The following ALDH3B2 variants were observed in gnomAD, a reference collection of about 807,000 sequenced individuals.
ALDH3B2 encodes aldehyde dehydrogenase 3 family member B2, also known as aldehyde dehydrogenase family 3 member B2.
ALDH3B2 carries 45 observed loss-of-function variants against 36.7 expected under a neutral mutation model. The ratio of observed to expected loss-of-function variants is 1.23; its 90% CI spans 0.97 to 1.57. The LOEUF is 1.57. Ranked by LOEUF, ALDH3B2 falls within the 40% of genes most tolerant of loss-of-function variation. The pLI, the probability that ALDH3B2 is intolerant of heterozygous loss-of-function variation, is 0.00. For missense variants in ALDH3B2, 464 were observed against 513.3 expected (o/e 0.90, Z 0.93); for synonymous variants, 217 against 226.5 (o/e 0.96, Z 0.38).
At chr11:67,663,877 G>A (rs544480597) in intron 8 of ALDH3B2, 116 bp from the exon 9 acceptor site, 17 of 813,824 alleles carry the variant, frequency 2.1e-5, no homozygotes, top group African/African-American at 1.2e-4. Context: ...ACCCTCTAAC[G>A]GGCAATAATC....
chr11:67,663,861 C>G, intron 8 of ALDH3B2, 100 bp from the exon 9 acceptor site: 3 of 915,830 alleles, frequency 3.3e-6, no homozygotes, highest in Non-Finnish European at 4.9e-6. Flanking sequence ...CCTCACCTGC[C>G]CCTCCACCCT....
intron 1 of ALDH3B2, among the ~76,000 whole-genome samples, chr11:67,672,712 C>T (rs910229622): frequency 2.0e-5 from 3 of 151,582 alleles, no homozygotes; most frequent in Non-Finnish European, 4.4e-5. Flanking sequence ...GCCTCAGCCT[C>T]CCGAGTAGCT....
chr11:67,680,290 G>GT (rs1856346828), intron 1 of ALDH3B2, among the ~76,000 whole-genome samples: 2 of 152,274 alleles, frequency 1.3e-5, no homozygotes, highest in Non-Finnish European at 2.9e-5. Context: ...CTCCAGCCTG[G>GT]GTGACAGAGT....
At chr11:67,665,046 T>C (rs1236904864) in intron 7 of ALDH3B2, among the ~76,000 whole-genome samples, 1 of 152,116 alleles carries the variant, frequency 6.6e-6, no homozygotes, top group Non-Finnish European at 1.5e-5. Context: ...CGCTGGGCCC[T>C]GGAGCCCTGG....
chr11:67,666,262 C>A (rs1855907055), intron 5 of ALDH3B2, 54 bp downstream of exon 5: 1 of 1,612,814 alleles, frequency 6.2e-7, no homozygotes, highest in Admixed American at 1.7e-5. Context: ...CTCCTCAGCC[C>A]ACAGGGGTGA....
At chr11:67,666,539 C>T (rs1871032) in intron 4 of ALDH3B2, 35 bp downstream of exon 4, 782,919 of 1,612,266 alleles carry the variant, frequency 0.49, 198,614 homozygotes, top group Admixed American at 0.65. Flanking sequence ...GGCTACTGGG[C>T]GGGGAGAGCA....
At chr11:67,667,106 A>G in intron 2 of ALDH3B2, 90 bp from the exon 3 acceptor site, 1 of 690,532 alleles carries the variant, frequency 1.4e-6, no homozygotes, top group Non-Finnish European at 2.5e-6. Flanking sequence ...AGGCACCACC[A>G]CCACTGGACA....
At chr11:67,676,900 A>G (rs1268271764), upstream of ALDH3B2, among the ~76,000 whole-genome samples, 3 of 152,196 alleles carry the variant, frequency 2.0e-5, no homozygotes, top group African/African-American at 7.2e-5. Flanking sequence ...AGTTTAAATC[A>G]GGAAGAATTA....
exon 10 of ALDH3B2, chr11:67,663,354 G>A (rs1426769015): frequency 1.1e-5 from 18 of 1,613,992 alleles, no homozygotes; most frequent in Non-Finnish European, 1.5e-5. Flanking sequence ...GTGGGAGAAG[G>A]TGTCGAAGGT....
Position 67,666,596 on chromosome 11 carries a change from G to T in ALDH3B2, c.129C>A (p.Leu43=), listed in dbSNP as rs752789383. Residue 43 remains leucine (L), a synonymous_variant, in exon 4 of 10, where the codon CTC becomes CTA. Coordinates refer to ENST00000349015, the Ensembl canonical transcript of ALDH3B2. ...CACCTGCGGCGAGGGCGCCCACCAG[G>T]AGCACCAGGGTCAGGTTCAGTGGGT... is the stretch of plus-strand genomic sequence containing the variant. 31 of 1,614,092 alleles carry T rather than the reference G, an allele frequency of 1.9e-5. No homozygotes were observed. The East Asian group carries it at 6.7e-4, about 35-fold the overall frequency.
In ALDH3B2 at chr11:67,666,402, C is replaced by T. The variant is rs751384338; in HGVS notation, c.152-1G>A. ...GACGGCTTCAGCACCACGCAACTCC[C>T]TGCAGGGGCAGATGGGGACGTCGTT... On this transcript the variant is annotated splice_acceptor_variant, in intron 4 of 9. Transcript: ENST00000349015. LOFTEE classifies it high-confidence loss of function. The T allele has an allele frequency of 2.5e-5, 40 of 1,607,476 alleles. No homozygotes were observed. The Middle Eastern group carries it at 4.9e-4, about 20-fold the overall frequency.
chr11:67,665,599 C>T, exon 7 of ALDH3B2: 3 of 1,614,070 alleles, frequency 1.9e-6, no homozygotes, highest in Non-Finnish European at 2.5e-6. Flanking sequence ...GTTCTTGCCC[C>T]CCAGCTCCAG....
At chr11:67,668,513 G>T (rs574312621) in intron 1 of ALDH3B2, among the ~76,000 whole-genome samples, 19 of 152,266 alleles carry the variant, frequency 1.2e-4, no homozygotes, top group East Asian at 9.6e-4. Context: ...AGAATGGTGC[G>T]CAAATCCTGT....
At chr11:67,664,698 C>T in intron 7 of ALDH3B2, 136 bp from the exon 8 acceptor site, 1 of 1,316,790 alleles carries the variant, frequency 7.6e-7, no homozygotes. Flanking sequence ...GCGCTTCAGG[C>T]TTTGGAGTGT....
At chr11:67,662,533 G>A (rs1437027087) in exon 10 of ALDH3B2, 1 of 152,784 alleles carries the variant, frequency 6.5e-6, no homozygotes, top group Non-Finnish European at 1.5e-5. Flanking sequence ...TTTTATTAGA[G>A]TTTGGCATAA....
chr11:67,669,946 G>C (rs1856048841), intron 1 of ALDH3B2, among the ~76,000 whole-genome samples: 1 of 138,912 alleles, frequency 7.2e-6, no homozygotes, highest in Non-Finnish European at 1.6e-5. Flanking sequence ...GTATGGGTGT[G>C]TGTGTCCACG....
At chr11:67,673,776 T>C (rs1416977181) in intron 1 of ALDH3B2, 1 of 152,140 alleles carries the variant, frequency 6.6e-6, no homozygotes, top group Non-Finnish European at 1.5e-5. Context: ...AGAGACGACT[T>C]GATTTGCCCT....
Position 67,672,041 on chromosome 11 carries a change from T to TCATA in ALDH3B2, c.-245+2392_-245+2395dup, listed in dbSNP as rs1856129432. Reference sequence around the variant, plus strand: ...CCTTTCTGGATGGAACCGATGTACTTCATATATATATATATATATATATAT... The same window carrying TCATA: ...CCTTTCTGGATGGAACCGATGTACTTCATACATATATATATATATATATATATAT... On this transcript the variant is annotated intron_variant, in intron 1 of 9. Coordinates refer to ENST00000349015, the Ensembl canonical transcript of ALDH3B2. Among the ~76,000 whole-genome samples the TCATA allele has an allele frequency of 1.8e-4, 7 of 39,456 alleles. No individual in the cohort carries two copies. The East Asian group carries it at 5.3e-3, about 30-fold the overall frequency. 25.9% of individuals were successfully genotyped at this position (39,456 alleles called of 152,430 possible).
At chr11:67,669,322 CTGTG>C (rs1054930169) in intron 1 of ALDH3B2, among the ~76,000 whole-genome samples, 6 of 138,588 alleles carry the variant, frequency 4.3e-5, no homozygotes, top group African/African-American at 1.7e-4. Flanking sequence ...GTATGGGTGT[CTGTG>C]TATGTATCAG....
Sources: gnomAD v4.1 joint callset for allele counts (sites outside exome capture counted in the v4.1 genomes callset) on GRCh38, gnomAD v4.1.1 for gene constraint, MANE v1.5 for transcripts, NCBI Gene and HGNC (gene_info 2026-07-23, HGNC 2026-07-21) for gene names.